HCN4: variants seen among roughly 807,000 people sequenced by gnomAD.
HCN4 encodes hyperpolarization activated cyclic nucleotide gated potassium channel 4.
Under a neutral mutation model 76.9 loss-of-function variants are expected in HCN4, and 29 were observed. The ratio of observed to expected loss-of-function variants is 0.38; its 90% CI spans 0.28 to 0.51. The LOEUF (loss-of-function observed/expected upper bound fraction) is 0.51. Among genes scored for constraint, HCN4 ranks in the 20% least tolerant of loss-of-function variants. HCN4 has a pLI of 0.90. For synonymous variants in HCN4, 772 were observed against 762.5 expected (o/e 1.01, Z -0.21); for missense variants, 1,416 against 1,715.2 (o/e 0.83, Z 3.08).
rs145930956 is a variant in HCN4, at chr15:73,367,379, T to TC, written c.785+106dup. ...AGAGGCGCCCTGCCTCTCTTGGAGC[T>TC]CCCAGCGCAAGGCAGGAAAGTTAAC... On this transcript the variant is annotated intron_variant, in intron 1 of 7. Coordinates refer to ENST00000261917, the MANE Select transcript of HCN4 (RefSeq NM_005477.3). The surrounding 1 kb of genome is among the most constrained non-coding windows in gnomAD (Gnocchi z 7.5). The TC allele has an allele frequency of 6.1e-4, 932 of 1,540,306 alleles. 6 individuals are homozygous for TC. The African/African-American group carries it at 0.011, about 18-fold the overall frequency.
chr15:73,358,900 A>C (rs975964310), intron 1 of HCN4, among the ~76,000 whole-genome samples: 4 of 151,384 alleles, frequency 2.6e-5, no homozygotes, highest in African/African-American at 9.8e-5. Flanking sequence ...GTGGAACCCT[A>C]CTCTCCATTT....
intron 1 of HCN4, among the ~76,000 whole-genome samples, chr15:73,364,446 G>T (rs569124480): frequency 1.6e-4 from 25 of 152,168 alleles, no homozygotes; most frequent in African/African-American, 4.8e-4. Context: ...TATGTTTTTT[G>T]TTGTTGTTGT....
At chr15:73,352,771 G>A (rs904587699) in intron 1 of HCN4, among the ~76,000 whole-genome samples, 3 of 152,202 alleles carry the variant, frequency 2.0e-5, no homozygotes, top group African/African-American at 7.2e-5. Context: ...GCCTAGCAGT[G>A]AGACTCAGGA....
chr15:73,322,410 A>C lies in HCN4; in HGVS notation c.*71T>G, dbSNP rs2042864793. ...TATTACTGTTATTGGTATATCTCCT[A>C]ATCACAGTTAAACCTGAAGGAAGAA... On this transcript the variant is annotated 3_prime_UTR_variant, in exon 8 of 8. Coordinates refer to ENST00000261917, the MANE Select transcript of HCN4 (RefSeq NM_005477.3). 3.3e-6 allele frequency: 4 copies of C among 1,213,810 alleles called. No homozygotes were observed. Among genetic ancestry groups the C allele is most frequent in the Non-Finnish European group, 4.8e-6 (4 of 839,942 alleles). The allele number at this position is 1,213,810 out of a possible 1,614,324, so 75.2% of individuals were successfully genotyped here. A position where few individuals can be genotyped will look rare whatever the true frequency, so the allele number is the denominator to read the frequency against.
chr15:73,349,383 T>C (rs1054605577), intron 1 of HCN4, among the ~76,000 whole-genome samples: 12 of 152,114 alleles, frequency 7.9e-5, no homozygotes, highest in African/African-American at 2.4e-4. Flanking sequence ...GATACTATGA[T>C]TATGCCCATT....
Position 73,325,221 on chromosome 15 carries a change from C to G in HCN4, c.1738-26G>C, listed in dbSNP as rs374253624. Reference sequence around the variant, plus strand: ...CTGCCGGACAGGGTGGATTGGGACACGGGAAGGAGGTGGTGAGGGGAGCTG... The same window carrying G: ...CTGCCGGACAGGGTGGATTGGGACAGGGGAAGGAGGTGGTGAGGGGAGCTG... On this transcript the variant is annotated intron_variant, in intron 5 of 7. Transcript: ENST00000261917. The surrounding 1 kb of genome is among the most constrained non-coding windows in gnomAD (Gnocchi z 7.4). 1 of 1,613,976 alleles carries G rather than the reference C, an allele frequency of 6.2e-7. No homozygotes were observed. The highest frequency in any genetic ancestry group is 8.5e-7 in the Non-Finnish European group (1 of 1,179,906).
At position 73,368,280 on chromosome 15, in the gene HCN4, G is replaced by C. The variant is rs1333779101; in HGVS notation, c.-10C>G. ...GCGGCAGCTTGTCCATGGCGCCAGG[G>C]GCCGGGGTCGGACCGGGCCGGGGGC... On this transcript the variant is annotated 5_prime_UTR_variant, in exon 1 of 8. Coordinates refer to ENST00000261917, the MANE Select transcript of HCN4 (RefSeq NM_005477.3). This position sits in a 1 kb window ranked among gnomAD's most constrained non-coding sequence, Gnocchi z 6.9. 1 of 1,480,606 alleles carries C rather than the reference G, an allele frequency of 6.8e-7. No individual in the cohort carries two copies. The highest frequency in any genetic ancestry group is 1.5e-5 in the African/African-American group (1 of 68,278). 91.7% of individuals were successfully genotyped at this position (1,480,606 alleles called of 1,614,324 possible). A position where few individuals can be genotyped will look rare whatever the true frequency, so the allele number is the denominator to read the frequency against.
At chr15:73,342,806 A>G (rs2043012485) in intron 2 of HCN4, among the ~76,000 whole-genome samples, 1 of 152,226 alleles carries the variant, frequency 6.6e-6, no homozygotes, top group Non-Finnish European at 1.5e-5. Flanking sequence ...TCCATTTCTC[A>G]TAATGCTATA....
At chr15:73,324,289 C>G in intron 6 of HCN4, 36 bp from the exon 7 acceptor site, 1 of 1,608,578 alleles carries the variant, frequency 6.2e-7, no homozygotes, top group Non-Finnish European at 8.5e-7. Flanking sequence ...GAGGCATGCA[C>G]AGCCTGCCCA....
intron 1 of HCN4, among the ~76,000 whole-genome samples, chr15:73,348,911 A>G (rs1211110524): frequency 6.6e-6 from 1 of 152,210 alleles, no homozygotes; most frequent in African/African-American, 2.4e-5. Context: ...GCTGTCTCCT[A>G]CAGCCAACGA....
In HCN4 at chr15:73,343,639, C is replaced by T. The variant is rs773269320; in HGVS notation, c.955G>A (p.Val319Met). ...ATGATCTCTGTGTTGTCCTCCACCA[C>T]GATCCCTGTGCGGAAGTTGAGGACC... is the stretch of plus-strand genomic sequence containing the variant. ...DLVLNFRTGI[V>M]VEDNTEIILD... Residue 319 changes from valine to methionine, a missense_variant, in exon 2 of 8, where the codon GTG (valine) becomes ATG (methionine). Val to Met is a conservative substitution (Grantham distance 21). Coordinates refer to ENST00000261917, the MANE Select transcript of HCN4 (RefSeq NM_005477.3). This position sits in a 1 kb window ranked among gnomAD's most constrained non-coding sequence, Gnocchi z 5.7. 21 of 1,614,158 alleles carry T rather than the reference C, an allele frequency of 1.3e-5. No individual in the cohort carries two copies. Among genetic ancestry groups the T allele is most frequent in the Admixed American group, 1.7e-5 (1 of 60,016 alleles).
intron 1 of HCN4, among the ~76,000 whole-genome samples, chr15:73,348,626 C>T (rs534983866): frequency 4.0e-4 from 61 of 152,350 alleles, no homozygotes; most frequent in African/African-American, 1.3e-3. Context: ...AGCTCTTCAA[C>T]TCTGACCACT....
intron 6 of HCN4, 103 bp from the exon 7 acceptor site, chr15:73,324,356 G>C: frequency 7.5e-7 from 1 of 1,329,206 alleles, no homozygotes; most frequent in Non-Finnish European, 1.0e-6. Context: ...CAGAAGCCTT[G>C]GCAGGCTCAC....
At chr15:73,351,422 T>A (rs893267063) in intron 1 of HCN4, among the ~76,000 whole-genome samples, 1 of 152,192 alleles carries the variant, frequency 6.6e-6, no homozygotes, top group African/African-American at 2.4e-5. Flanking sequence ...AACCTCACCC[T>A]TGCCATATTC....
chr15:73,338,679 C>A (rs1567782590), intron 2 of HCN4, among the ~76,000 whole-genome samples: 2 of 152,214 alleles, frequency 1.3e-5, no homozygotes, highest in African/African-American at 2.4e-5. Context: ...GCTGTTTCCA[C>A]CAAGGCCTCT....
intron 2 of HCN4, chr15:73,335,714 C>T (rs2042960895): frequency 6.6e-6 from 1 of 152,276 alleles, no homozygotes; most frequent in Non-Finnish European, 1.5e-5. Flanking sequence ...CGGCCCTGCA[C>T]AGGCCTTGAC....
chr15:73,347,649 A>G (rs775228144), intron 1 of HCN4, among the ~76,000 whole-genome samples: 25 of 152,182 alleles, frequency 1.6e-4, no homozygotes, highest in Non-Finnish European at 3.4e-4. Context: ...TGGATGCCCA[A>G]TGCTCCCTTA....
intron 1 of HCN4, among the ~76,000 whole-genome samples, chr15:73,364,707 A>G (rs909578511): frequency 2.0e-5 from 3 of 151,840 alleles, no homozygotes; most frequent in Non-Finnish European, 2.9e-5. Flanking sequence ...TTTCTTTTCT[A>G]TTGGGGGGTG....
In HCN4 at chr15:73,343,868, G is replaced by A; in HGVS notation, c.786-60C>T. 2 of 1,566,580 alleles carry A rather than the reference G, an allele frequency of 1.3e-6. No individual in the cohort carries two copies. Among genetic ancestry groups the A allele is most frequent in the East Asian group, 2.2e-5 (1 of 44,644 alleles). Reference sequence around the variant, plus strand: ...AGAGAGAGGACAAGTTACAGACTAAGGGAGGAAGATCTGAGGGACAGCATC... The same window carrying A: ...AGAGAGAGGACAAGTTACAGACTAAAGGAGGAAGATCTGAGGGACAGCATC... On this transcript the variant is annotated intron_variant, in intron 1 of 7. Coordinates refer to ENST00000261917, the MANE Select transcript of HCN4 (RefSeq NM_005477.3). The surrounding 1 kb of genome is among the most constrained non-coding windows in gnomAD (Gnocchi z 5.7).
Sources: gnomAD v4.1 joint callset for allele counts (sites outside exome capture counted in the v4.1 genomes callset) on GRCh38, gnomAD v4.1.1 for gene constraint, Gnocchi (gnomAD v3.1) non-coding constraint, MANE v1.5 for transcripts, NCBI Gene and HGNC (gene_info 2026-07-23, HGNC 2026-07-21) for gene names.